Variants in NCKAP5 observed in about 807,000 individuals in gnomAD.
NCKAP5 encodes nck-associated protein 5.
Under a neutral mutation model 167.0 loss-of-function variants are expected in NCKAP5, and 92 were observed. The ratio of observed to expected loss-of-function variants is 0.55; its 90% CI spans 0.47 to 0.66. The LOEUF (loss-of-function observed/expected upper bound fraction) is 0.66, where lower values mean the gene tolerates loss of function less well. NCKAP5 is among the 30% of genes least tolerant of loss of function. The pLI, the probability that NCKAP5 is intolerant of heterozygous loss-of-function variation, is 0.00. For missense variants in NCKAP5, 2,378 were observed against 2,315.0 expected (o/e 1.03, Z -0.56); for synonymous variants, 891 against 877.4 (o/e 1.02, Z -0.27).
At chr2:133,067,954 T>G (rs892912225) in intron 6 of NCKAP5, among the ~76,000 whole-genome samples, 6 of 152,260 alleles carry the variant, frequency 3.9e-5, no homozygotes, top group East Asian at 3.9e-4. Context: ...TTTATTCCCC[T>G]CATGAATTAT....
chr2:132,831,236 G>T (rs1687502921), intron 11 of NCKAP5, among the ~76,000 whole-genome samples: 1 of 152,040 alleles, frequency 6.6e-6, no homozygotes, highest in South Asian at 2.1e-4. Context: ...ATTCTTTGTT[G>T]TTATGAACAA....
At chr2:132,771,751 C>A (rs1414058993) in intron 16 of NCKAP5, among the ~76,000 whole-genome samples, 1 of 151,496 alleles carries the variant, frequency 6.6e-6, no homozygotes, top group Non-Finnish European at 1.5e-5. Flanking sequence ...CGGCTCACTG[C>A]AATCTCTGCC....
At chr2:132,860,883 G>A (rs1689850995) in intron 10 of NCKAP5, among the ~76,000 whole-genome samples, 1 of 152,074 alleles carries the variant, frequency 6.6e-6, no homozygotes, top group Non-Finnish European at 1.5e-5. Flanking sequence ...AAATCTTAGC[G>A]ATATGAAGTC....
chr2:132,836,195 C>A (rs1172509520), intron 11 of NCKAP5, among the ~76,000 whole-genome samples: 1 of 152,156 alleles, frequency 6.6e-6, no homozygotes, highest in Non-Finnish European at 1.5e-5. Flanking sequence ...CAGACATCTT[C>A]CACTGACTTC....
chr2:133,226,642 G>C (rs142793281), intron 4 of NCKAP5, among the ~76,000 whole-genome samples: 2,332 of 65,100 alleles, frequency 0.036, 68 homozygotes, highest in African/African-American at 0.1. Flanking sequence ...CACACACACA[G>C]GAAGAACACC....
intron 8 of NCKAP5, among the ~76,000 whole-genome samples, chr2:132,934,481 G>A (rs909938914): frequency 2.0e-5 from 3 of 152,040 alleles, no homozygotes; most frequent in Non-Finnish European, 2.9e-5. Context: ...GCTGAGGCAC[G>A]AGAATTGCTT....
At chr2:133,491,358 G>A (rs998526060) in intron 3 of NCKAP5, among the ~76,000 whole-genome samples, 5 of 152,184 alleles carry the variant, frequency 3.3e-5, no homozygotes, top group Non-Finnish European at 4.4e-5. Context: ...TTCTAATAAG[G>A]TGGTCAGGGA....
intron 2 of NCKAP5, among the ~76,000 whole-genome samples, chr2:133,545,438 G>A (rs1686574094): frequency 6.6e-6 from 1 of 152,120 alleles, no homozygotes; most frequent in African/African-American, 2.4e-5. Context: ...AGAGAGTGAA[G>A]GAGATGACGG....
At chr2:133,538,757 G>A (rs10211600) in intron 2 of NCKAP5, among the ~76,000 whole-genome samples, 3 of 150,252 alleles carry the variant, frequency 2.0e-5, no homozygotes, top group Non-Finnish European at 4.4e-5. Flanking sequence ...CAATCTTGAA[G>A]AAGGATTGTG....
At chr2:133,052,394 G>A (rs1427660825) in intron 6 of NCKAP5, among the ~76,000 whole-genome samples, 1 of 152,180 alleles carries the variant, frequency 6.6e-6, no homozygotes, top group East Asian at 1.9e-4. Flanking sequence ...TATTAAGGTG[G>A]AGGCAGGAGA....
chr2:133,300,301 C>A (rs918426551), intron 4 of NCKAP5, among the ~76,000 whole-genome samples: 1 of 132,244 alleles, frequency 7.6e-6, no homozygotes, highest in African/African-American at 3.3e-5. Context: ...ATTCTGATAC[C>A]AAAGCCGGGC....
intron 7 of NCKAP5, among the ~76,000 whole-genome samples, chr2:132,970,730 T>C (rs1293858098): frequency 1.3e-5 from 2 of 152,190 alleles, no homozygotes; most frequent in Non-Finnish European, 2.9e-5. Context: ...TCACCTTTTG[T>C]TCTCAAGCAG....
chr2:132,812,609 A>G (rs1360255885), intron 11 of NCKAP5, among the ~76,000 whole-genome samples: 1 of 152,138 alleles, frequency 6.6e-6, no homozygotes, highest in African/African-American at 2.4e-5. Context: ...CTCTCGGCAG[A>G]GGGGTTCTGG....
chr2:133,354,357 A>G (rs1470542207), intron 3 of NCKAP5, among the ~76,000 whole-genome samples: 3 of 145,186 alleles, frequency 2.1e-5, no homozygotes, highest in Non-Finnish European at 4.5e-5. Context: ...CCTGGGCTCT[A>G]GCAAACCTTC....
At chr2:132,846,166 G>C (rs529391491) in intron 11 of NCKAP5, among the ~76,000 whole-genome samples, 1 of 152,138 alleles carries the variant, frequency 6.6e-6, no homozygotes, top group South Asian at 2.1e-4. Flanking sequence ...CAAATTTTCA[G>C]AAATTCTTCA....
intron 16 of NCKAP5, among the ~76,000 whole-genome samples, chr2:132,764,319 T>C (rs867356094): frequency 1.3e-5 from 2 of 152,212 alleles, no homozygotes; most frequent in South Asian, 2.1e-4. Context: ...TTTTCAGTCC[T>C]TGGTCAGAAG....
At chr2:132,805,225 C>G (rs569957832) in intron 11 of NCKAP5, among the ~76,000 whole-genome samples, 1 of 152,190 alleles carries the variant, frequency 6.6e-6, no homozygotes, top group South Asian at 2.1e-4. Flanking sequence ...TAAGAACTAT[C>G]ATACCTGTCT....
At chr2:133,442,217 G>A (rs1690903276) in intron 3 of NCKAP5, among the ~76,000 whole-genome samples, 1 of 152,140 alleles carries the variant, frequency 6.6e-6, no homozygotes, top group Non-Finnish European at 1.5e-5. Context: ...CAGGAAGGAA[G>A]AAAGAGAGGC....
intron 3 of NCKAP5, among the ~76,000 whole-genome samples, chr2:133,481,102 T>A (rs1680385308): frequency 6.6e-6 from 1 of 152,178 alleles, no homozygotes; most frequent in Non-Finnish European, 1.5e-5. Context: ...AATAAAAAAA[T>A]CTCACTAAAT....
Sources: allele counts gnomAD v4.1 joint callset (sites outside exome capture counted in the v4.1 genomes callset), GRCh38; gene constraint gnomAD v4.1.1; transcripts MANE v1.5; gene names NCBI Gene and HGNC (gene_info 2026-07-23, HGNC 2026-07-21).